KIF13B: variants seen among roughly 807,000 people sequenced by gnomAD.
The protein encoded by KIF13B is kinesin-like protein KIF13B.
Under a neutral mutation model 222.0 loss-of-function variants are expected in KIF13B, and 127 were observed. The observed-to-expected ratio is 0.57, with a 90% CI of 0.50 to 0.66. The LOEUF is 0.66. Ranked by LOEUF, KIF13B falls within the 30% of genes least tolerant of loss-of-function variation. The pLI, the probability that KIF13B is intolerant of heterozygous loss-of-function variation, is 0.00. For missense variants in KIF13B, 2,173 were observed against 2,379.0 expected (o/e 0.91, Z 1.80); for synonymous variants, 976 against 919.0 (o/e 1.06, Z -1.12).
intron 24 of KIF13B, among the ~76,000 whole-genome samples, chr8:29,128,672 T>G (rs1359938941): frequency 6.6e-6 from 1 of 152,142 alleles, no homozygotes; most frequent in Non-Finnish European, 1.5e-5. Context: ...GAAGGGAAGA[T>G]TCCTAAGGAG....
At chr8:29,167,688 A>G in intron 10 of KIF13B, 103 bp from the exon 11 acceptor site, 1 of 917,950 alleles carries the variant, frequency 1.1e-6, no homozygotes, top group Non-Finnish European at 1.7e-6. Flanking sequence ...CCCAGGTCAA[A>G]CACATTCAAT....
rs774483143 is a variant in KIF13B at position 29,188,503 on chromosome 8, ATTT to A, written c.316+9_316+11del. On this transcript the variant is annotated intron_variant, in intron 5 of 39. Coordinates refer to ENST00000524189, the MANE Select transcript of KIF13B (RefSeq NM_015254.4). ...ATGGTTGTTTATGTGATTTCATGTT[ATTT>A]AACATTACCAGTCTGTCCATAGGCA... 2 of 1,495,132 alleles carry A rather than the reference ATTT, an allele frequency of 1.3e-6. No homozygotes were observed. Among genetic ancestry groups the A allele is most frequent in the East Asian group, 2.3e-5 (1 of 44,250 alleles). 92.6% of individuals were successfully genotyped at this position (1,495,132 alleles called of 1,614,324 possible).
At chr8:29,256,656 T>C (rs113628017) in intron 1 of KIF13B, among the ~76,000 whole-genome samples, 9 of 152,240 alleles carry the variant, frequency 5.9e-5, no homozygotes, top group Admixed American at 3.9e-4. Context: ...ATGTCCAACA[T>C]TGTAGTAAAA....
At position 29,073,979 on chromosome 8, in the gene KIF13B, TTTTA is replaced by T. The variant is rs986052806; in HGVS notation, c.4521+1298_4521+1301del. 4.4e-4 allele frequency among the ~76,000 whole-genome samples: 67 copies of T among 152,348 alleles called. 1 individual carries two copies. Among genetic ancestry groups the T allele is most frequent in the African/African-American group, 1.5e-3 (61 of 41,580 alleles). On this transcript the variant is annotated intron_variant, in intron 38 of 39. Coordinates refer to ENST00000524189, the MANE Select transcript of KIF13B (RefSeq NM_015254.4). ...ATTCTTCCTTTGCACATTGTCCATG[TTTTA>T]TTTATTCTCTTCTATTTTAGTTTTA...
chr8:29,250,992 A>C (rs537143292), intron 1 of KIF13B, among the ~76,000 whole-genome samples: 1 of 152,254 alleles, frequency 6.6e-6, no homozygotes, highest in East Asian at 1.9e-4. Context: ...CTCTACAAAA[A>C]ATACAAAAAT....
intron 35 of KIF13B, among the ~76,000 whole-genome samples, chr8:29,102,842 T>C (rs568092423): frequency 2.0e-5 from 3 of 152,216 alleles, no homozygotes; most frequent in Non-Finnish European, 4.4e-5. Flanking sequence ...GTTCATGCTA[T>C]TGACTAATCT....
intron 28 of KIF13B, 110 bp downstream of exon 28, chr8:29,123,256 C>T (rs776808683): frequency 5.9e-5 from 70 of 1,185,280 alleles, no homozygotes; most frequent in Non-Finnish European, 7.8e-5. Context: ...ACAACATTTC[C>T]CCCCATGCTA....
Position 29,180,213 on chromosome 8 carries a change from C to T in KIF13B, c.611G>A (p.Gly204Asp). Residue 204 changes from glycine (G) to aspartate (D), a missense_variant, in exon 8 of 40, where the codon GGT becomes GAT. Transcript: ENST00000524189. ...TGCAGCAACTGTGCGAGATTTGTTA[C>T]CCTCAGACATCAACGACTCAATATC... ...YKDIESLMSE[G>D]NKSRTVAATN... The T allele has an allele frequency of 6.2e-7, 1 of 1,613,968 alleles. No individual in the cohort carries two copies. The highest frequency in any genetic ancestry group is 1.1e-5 in the South Asian group (1 of 91,082).
chr8:29,085,053 C>G (rs546215951), intron 37 of KIF13B, among the ~76,000 whole-genome samples: 7 of 152,180 alleles, frequency 4.6e-5, no homozygotes, highest in Non-Finnish European at 7.3e-5. Context: ...GTAAATTATA[C>G]GAATATCTTT....
chr8:29,230,643 G>C lies in KIF13B; in HGVS notation c.149+14703C>G, dbSNP rs117843220. 1.9e-4 allele frequency among the ~76,000 whole-genome samples: 29 copies of C among 152,320 alleles called. No individual in the cohort carries two copies. The East Asian group carries it at 4.8e-3, about 25-fold the overall frequency. On this transcript the variant is annotated intron_variant, in intron 2 of 39. Transcript: ENST00000524189. ...AGGGAGTGAGCATGAGGAAGTGTCA[G>C]ATTATGAGCACGTGAAGCTGGCGTG...
At position 29,071,249 on chromosome 8, in the gene KIF13B, G is replaced by C. The variant is rs1012143608; in HGVS notation, c.5218+371C>G. Among the ~76,000 whole-genome samples, 3 of 152,188 alleles carry C rather than the reference G, an allele frequency of 2.0e-5. No homozygotes were observed. The highest frequency in any genetic ancestry group is 6.5e-5 in the Admixed American group (1 of 15,282). On this transcript the variant is annotated intron_variant, in intron 39 of 39. Transcript: ENST00000524189. This position sits in a 1 kb window ranked among gnomAD's most constrained non-coding sequence, Gnocchi z 4.9. ...GTCAGAGGCCAGCGAGATGTGTCCG[G>C]ATGGGGTGAGGAAGAGCCTCCTGGA...
At chr8:29,203,892 C>CAAAAAAAA (rs11432771) in intron 2 of KIF13B, among the ~76,000 whole-genome samples, 1 of 66,172 alleles carries the variant, frequency 1.5e-5, no homozygotes, top group African/African-American at 6.5e-5. Context: ...AGTTCCGTCT[C>CAAAAAAAA]AAAAAAAAAA....
chr8:29,210,993 T>G (rs1814196132), intron 2 of KIF13B, among the ~76,000 whole-genome samples: 1 of 152,094 alleles, frequency 6.6e-6, no homozygotes, highest in African/African-American at 2.4e-5. Flanking sequence ...GAGTGGGGGC[T>G]AAAGAGCAGC....
chr8:29,190,428 C>G (rs891243207), intron 4 of KIF13B: 1 of 153,148 alleles, frequency 6.5e-6, no homozygotes, highest in African/African-American at 2.4e-5. Context: ...CTCATCCACA[C>G]GCCGGGAGGG....
At position 29,127,270 on chromosome 8, in the gene KIF13B, T is replaced by C. The variant is rs575423064; in HGVS notation, c.3076-2A>G. 2 of 1,613,230 alleles carry C rather than the reference T, an allele frequency of 1.2e-6. No homozygotes were observed. Among genetic ancestry groups the C allele is most frequent in the African/African-American group, 1.3e-5 (1 of 75,018 alleles). The stretch of plus-strand genomic sequence containing the variant: ...GACTTGAACTCTCCGGGACTGCCCC[T>C]GGGTCACAGACAATTTAGAGTCTTA... On this transcript the variant is annotated splice_acceptor_variant, in intron 24 of 39. Transcript: ENST00000524189. LOFTEE classifies it high-confidence loss of function.
At chr8:29,145,805 C>CAA (rs11371242) in intron 18 of KIF13B, 3,236 of 127,168 alleles carry the variant, frequency 0.025, 71 homozygotes, top group African/African-American at 0.038. Context: ...AAAAGAACCT[C>CAA]AAAAAAAAAA....
intron 2 of KIF13B, among the ~76,000 whole-genome samples, chr8:29,241,878 A>G (rs545383749): frequency 1.3e-5 from 2 of 152,134 alleles, no homozygotes; most frequent in Non-Finnish European, 2.9e-5. Flanking sequence ...GATATGAGGC[A>G]AAAAAGAAAA....
chr8:29,247,538 AGAC>A (rs970090073), intron 1 of KIF13B, among the ~76,000 whole-genome samples: 3 of 152,230 alleles, frequency 2.0e-5, no homozygotes, highest in African/African-American at 7.2e-5. Flanking sequence ...AATAATAAAA[AGAC>A]AAATAGGCCA....
rs533417231 is a variant in KIF13B, at chr8:29,236,776, C to T, written c.149+8570G>A. On this transcript the variant is annotated intron_variant, in intron 2 of 39. Coordinates refer to ENST00000524189, the MANE Select transcript of KIF13B (RefSeq NM_015254.4). The stretch of plus-strand genomic sequence containing the variant: ...AGTTTGAGGACTCCAGAGTTCTAAA[C>T]GCTTTTCTTTGTAAAAGAAAACTTT... Among the ~76,000 whole-genome samples, 8 of 152,218 alleles carry T rather than the reference C, an allele frequency of 5.3e-5. No individual in the cohort carries two copies. In the East Asian group the frequency reaches 5.8e-4, roughly 11 times the overall value.
Sources: allele counts gnomAD v4.1 joint callset (sites outside exome capture counted in the v4.1 genomes callset), GRCh38; gene constraint gnomAD v4.1.1; non-coding constraint Gnocchi (gnomAD v3.1); transcripts MANE v1.5; gene names NCBI Gene and HGNC (gene_info 2026-07-23, HGNC 2026-07-21).